The following MYRIP variants were observed in gnomAD, a reference collection of about 807,000 sequenced individuals.
MYRIP encodes myosin VIIA and Rab interacting protein.
MYRIP carries 49 observed loss-of-function variants against 98.0 expected under a neutral mutation model. The ratio of observed to expected loss-of-function variants is 0.50; its 90% CI spans 0.40 to 0.63. MYRIP has a LOEUF of 0.63. Among genes scored for constraint, MYRIP ranks in the 30% least tolerant of loss-of-function variants. The pLI is 0.00. For missense variants in MYRIP, 1,004 were observed against 1,058.2 expected (o/e 0.95, Z 0.71); for synonymous variants, 404 against 409.5 (o/e 0.99, Z 0.16).
chr3:39,981,663 C>G (rs1945899635), intron 2 of MYRIP, among the ~76,000 whole-genome samples: 1 of 152,164 alleles, frequency 6.6e-6, no homozygotes, highest in Admixed American at 6.5e-5. Context: ...GAGTCATTTT[C>G]ATTGTCAGCC....
At chr3:40,228,509 C>T (rs1423167429) in intron 11 of MYRIP, among the ~76,000 whole-genome samples, 1 of 152,046 alleles carries the variant, frequency 6.6e-6, no homozygotes, top group East Asian at 1.9e-4. Context: ...AAGTGGCAGT[C>T]CCCTCGCCAC....
intron 1 of MYRIP, among the ~76,000 whole-genome samples, chr3:39,874,641 A>G (rs906633109): frequency 2.0e-5 from 3 of 152,146 alleles, no homozygotes; most frequent in Non-Finnish European, 4.4e-5. Context: ...GCTGGATTAC[A>G]TTTATTGATT....
At chr3:40,212,624 T>C (rs1212754737) in intron 11 of MYRIP, among the ~76,000 whole-genome samples, 2 of 152,052 alleles carry the variant, frequency 1.3e-5, no homozygotes, top group African/African-American at 2.4e-5. Flanking sequence ...TAGCCAGGCT[T>C]GGTGGCGTGC....
chr3:40,139,437 G>T (rs1173674047), intron 3 of MYRIP, among the ~76,000 whole-genome samples: 1 of 152,090 alleles, frequency 6.6e-6, no homozygotes, highest in Non-Finnish European at 1.5e-5. Context: ...TGTAAACAAT[G>T]ATCTGCTTTT....
chr3:39,973,935 A>G (rs1240635955), intron 2 of MYRIP, among the ~76,000 whole-genome samples: 1 of 152,352 alleles, frequency 6.6e-6, no homozygotes, highest in African/African-American at 2.4e-5. Context: ...CTAAATGCCC[A>G]CAAGAGAAAG....
intron 9 of MYRIP, among the ~76,000 whole-genome samples, chr3:40,188,497 A>G (rs981991522): frequency 5.5e-5 from 8 of 144,226 alleles, no homozygotes; most frequent in African/African-American, 2.0e-4. Context: ...AAAAAAAAAG[A>G]CTGGGTGCTG....
chr3:40,178,418 AT>A (rs1950815316), intron 8 of MYRIP, among the ~76,000 whole-genome samples: 1 of 152,174 alleles, frequency 6.6e-6, no homozygotes. Flanking sequence ...CCAGGAGTGC[AT>A]TGTTGCCAGG....
chr3:40,068,503 TTTC>T (rs1948166312), intron 3 of MYRIP, among the ~76,000 whole-genome samples: 1 of 152,216 alleles, frequency 6.6e-6, no homozygotes, highest in Non-Finnish European at 1.5e-5. Context: ...TGTATATAGT[TTTC>T]TTCCAGCAAA....
chr3:40,093,695 CAG>C (rs1288764997), intron 3 of MYRIP, among the ~76,000 whole-genome samples: 1 of 152,222 alleles, frequency 6.6e-6, no homozygotes, highest in Non-Finnish European at 1.5e-5. Flanking sequence ...ATTTTTCAAA[CAG>C]AAGTGAGAGG....
chr3:40,177,949 T>G (rs1950803170), intron 8 of MYRIP, among the ~76,000 whole-genome samples: 1 of 152,172 alleles, frequency 6.6e-6, no homozygotes, highest in Non-Finnish European at 1.5e-5. Flanking sequence ...CTCTTTTGAA[T>G]GGCCATAGTA....
At chr3:39,852,222 C>A (rs2125607246) in intron 1 of MYRIP, among the ~76,000 whole-genome samples, 1 of 152,296 alleles carries the variant, frequency 6.6e-6, no homozygotes, top group African/African-American at 2.4e-5. Flanking sequence ...GGAGCCCAGT[C>A]TGCAGTTCTG....
At chr3:40,127,427 A>C (rs1949546519) in intron 3 of MYRIP, among the ~76,000 whole-genome samples, 1 of 152,220 alleles carries the variant, frequency 6.6e-6, no homozygotes, top group Non-Finnish European at 1.5e-5. Flanking sequence ...GATGCTTTTC[A>C]TAGGCTGCAA....
chr3:39,938,961 T>C (rs970435434), intron 2 of MYRIP, among the ~76,000 whole-genome samples: 23 of 152,178 alleles, frequency 1.5e-4, no homozygotes, highest in African/African-American at 5.1e-4. Context: ...CCCACCTTGT[T>C]ATCCTCCCTT....
intron 2 of MYRIP, among the ~76,000 whole-genome samples, chr3:39,944,477 A>C (rs1273122263): frequency 6.6e-6 from 1 of 152,146 alleles, no homozygotes; most frequent in African/African-American, 2.4e-5. Context: ...AAAAAAGAGG[A>C]AGAGCGGGAG....
At chr3:40,017,842 G>A (rs904623619) in intron 2 of MYRIP, among the ~76,000 whole-genome samples, 9 of 151,962 alleles carry the variant, frequency 5.9e-5, no homozygotes, top group East Asian at 1.9e-4. Context: ...CAGTTTAGCA[G>A]GTTAAATGTA....
chr3:39,914,832 G>A (rs1217938407), intron 2 of MYRIP, among the ~76,000 whole-genome samples: 1 of 151,934 alleles, frequency 6.6e-6, no homozygotes, highest in Non-Finnish European at 1.5e-5. Flanking sequence ...CATTTCTCCA[G>A]CCATAGATCA....
chr3:40,055,424 CT>C (rs1233765322), intron 3 of MYRIP, among the ~76,000 whole-genome samples: 1 of 152,110 alleles, frequency 6.6e-6, no homozygotes, highest in Admixed American at 6.6e-5. Flanking sequence ...CATTTAGCCC[CT>C]AATTGATAAC....
chr3:40,159,993 G>A (rs9852503), intron 4 of MYRIP, among the ~76,000 whole-genome samples: 1 of 152,038 alleles, frequency 6.6e-6, no homozygotes, highest in African/African-American at 2.4e-5. Context: ...CTTCTCTCAG[G>A]TCGTCAAAGT....
intron 2 of MYRIP, among the ~76,000 whole-genome samples, chr3:39,963,899 T>A (rs2125736116): frequency 6.6e-6 from 1 of 152,294 alleles, no homozygotes; most frequent in East Asian, 1.9e-4. Context: ...ACGTTTCAGA[T>A]TGAGAATAGC....
Sources: gnomAD v4.1 joint callset for allele counts (sites outside exome capture counted in the v4.1 genomes callset) on GRCh38, gnomAD v4.1.1 for gene constraint, MANE v1.5 for transcripts, NCBI Gene and HGNC (gene_info 2026-07-23, HGNC 2026-07-21) for gene names.